The following PCDHA1 variants were observed in gnomAD, a reference collection of about 807,000 sequenced individuals.
The protein encoded by PCDHA1 is protocadherin alpha-1.
A neutral mutation model predicts 61.3 loss-of-function variants in PCDHA1; 42 were observed. That is an observed-to-expected ratio of 0.69 (90% CI 0.54 to 0.89). The LOEUF (loss-of-function observed/expected upper bound fraction) is 0.89. Among genes scored for constraint, PCDHA1 ranks in the 40% least tolerant of loss-of-function variants. The pLI is 0.00. For missense variants in PCDHA1, 1,256 were observed against 1,235.3 expected (o/e 1.02, Z -0.25); for synonymous variants, 610 against 553.8 (o/e 1.10, Z -1.43).
chr5:140,950,919 T>TCCACA (rs1554219687), intron 1 of PCDHA1, among the ~76,000 whole-genome samples: 4 of 152,198 alleles, frequency 2.6e-5, no homozygotes, highest in African/African-American at 9.6e-5. Context: ...TTTATTTCAG[T>TCCACA]TCTTTTTCTT....
intron 1 of PCDHA1, chr5:140,862,573 G>A (rs1252034022): frequency 4.1e-6 from 2 of 484,618 alleles, no homozygotes; most frequent in East Asian, 1.1e-4. Context: ...CAATGCCCTG[G>A]CGTTCCAGCA....
intron 1 of PCDHA1, chr5:140,836,319 C>G (rs577271797): frequency 1.2e-6 from 2 of 1,613,720 alleles, no homozygotes; most frequent in Middle Eastern, 1.6e-4. Context: ...ACCGCGCCAC[C>G]GCCTTCTGGT....
intron 1 of PCDHA1, among the ~76,000 whole-genome samples, chr5:140,944,359 T>C (rs1248806355): frequency 6.6e-6 from 1 of 152,092 alleles, no homozygotes; most frequent in African/African-American, 2.4e-5. Context: ...GGCTAATTTT[T>C]AATTTTTTAT....
At chr5:140,826,372 A>G (rs1554130542) in intron 1 of PCDHA1, among the ~76,000 whole-genome samples, 1 of 152,228 alleles carries the variant, frequency 6.6e-6, no homozygotes, top group Admixed American at 6.5e-5. Flanking sequence ...TGCAATAGAA[A>G]GTCAGTGATA....
At chr5:140,983,771 A>G (rs963720761) in intron 3 of PCDHA1, among the ~76,000 whole-genome samples, 2 of 152,222 alleles carry the variant, frequency 1.3e-5, no homozygotes, top group Admixed American at 6.5e-5. Flanking sequence ...ATACATATCT[A>G]CATACATAAC....
chr5:140,848,340 A>G, intron 1 of PCDHA1: 1 of 894,036 alleles, frequency 1.1e-6, no homozygotes, highest in Admixed American at 2.4e-5. Context: ...ATCCAGACAA[A>G]TACAGCCCTT....
chr5:140,993,783 T>C (rs1402072576), intron 3 of PCDHA1, among the ~76,000 whole-genome samples: 2 of 152,230 alleles, frequency 1.3e-5, no homozygotes, highest in East Asian at 3.9e-4. Flanking sequence ...TTTTGTACAG[T>C]AACATGCTGT....
intron 1 of PCDHA1, chr5:140,850,598 C>T (rs1358773904): frequency 1.9e-6 from 3 of 1,598,576 alleles, no homozygotes; most frequent in Middle Eastern, 1.7e-4. Context: ...TGTACCTGAT[C>T]ATCGCCATCT....
chr5:140,929,436 C>T, intron 1 of PCDHA1: 1 of 1,470,330 alleles, frequency 6.8e-7, no homozygotes, highest in Non-Finnish European at 9.1e-7. Context: ...TTGAACTAAA[C>T]ACTCCTTCTT....
intron 1 of PCDHA1, among the ~76,000 whole-genome samples, chr5:140,902,686 A>G (rs1038713623): frequency 2.0e-5 from 3 of 152,090 alleles, no homozygotes; most frequent in Non-Finnish European, 4.4e-5. Context: ...CGTACCTAAT[A>G]TGTGTAGTCT....
chr5:141,010,265 G>A lies in PCDHA1; in HGVS notation c.*328G>A, dbSNP rs1554262846. ...GTTGGACTCTCTGCCCTGTGCTCCGGGGATCCTGTCTTGATGACACTTGCA... is the reference window on the plus strand; with the variant it reads ...GTTGGACTCTCTGCCCTGTGCTCCGAGGATCCTGTCTTGATGACACTTGCA... On this transcript the variant is annotated 3_prime_UTR_variant, in exon 4 of 4. Coordinates refer to ENST00000504120, the MANE Select transcript of PCDHA1 (RefSeq NM_018900.4). 6.4e-7 allele frequency: 1 copy of A among 1,551,726 alleles called. No homozygotes were observed. The highest frequency in any genetic ancestry group is 8.7e-7 in the Non-Finnish European group (1 of 1,147,006).
intron 1 of PCDHA1, among the ~76,000 whole-genome samples, chr5:140,965,769 A>G (rs571022357): frequency 2.0e-5 from 3 of 152,376 alleles, no homozygotes; most frequent in Admixed American, 2.0e-4. Flanking sequence ...GTCAAATAAT[A>G]GATTTGCCTA....
rs1554143145 is a variant in PCDHA1 at position 140,849,656 on chromosome 5, C to T, written c.2394+60972C>T. The T allele has an allele frequency of 2.4e-5, 38 of 1,598,658 alleles. 2 individuals are homozygous for T. Among genetic ancestry groups the T allele is most frequent in the Non-Finnish European group, 3.2e-5 (37 of 1,168,036 alleles). On this transcript the variant is annotated intron_variant, in intron 1 of 3. Transcript: ENST00000504120. The stretch of plus-strand genomic sequence containing the variant: ...CAGATGCCAACGGGCAGGTTACCTG[C>T]TCCCTGACGCCCCACGTCCCCTTCA...
At position 140,787,872 on chromosome 5, in the gene PCDHA1, C is replaced by G. The variant is rs782526197; in HGVS notation, c.1582C>G (p.Leu528Val). Reference protein sequence around the residue: ...YALQPLDHEELELLQFQVSAR... With the variant: ...YALQPLDHEEVELLQFQVSAR... The stretch of plus-strand genomic sequence containing the variant: ...ACTGCAGCCCCTGGACCACGAGGAG[C>G]TGGAGCTGCTGCAGTTCCAGGTGAG... Residue 528 changes from leucine to valine, a missense_variant, in exon 1 of 4, where the codon CTG becomes GTG. Coordinates refer to ENST00000504120, the MANE Select transcript of PCDHA1 (RefSeq NM_018900.4). 4.3e-6 allele frequency: 7 copies of G among 1,613,098 alleles called. No individual in the cohort carries two copies. In the African/African-American group the frequency reaches 6.7e-5, roughly 15 times the overall value.
intron 1 of PCDHA1, chr5:140,859,371 T>A: frequency 3.8e-6 from 1 of 264,536 alleles, no homozygotes; most frequent in Non-Finnish European, 6.9e-6. Flanking sequence ...TTGTATAGTT[T>A]AATAGCTTCT....
chr5:140,893,882 C>G (rs2064212921), intron 1 of PCDHA1, among the ~76,000 whole-genome samples: 1 of 152,140 alleles, frequency 6.6e-6, no homozygotes, highest in Non-Finnish European at 1.5e-5. Flanking sequence ...CCAAAGTGGC[C>G]AGAAAGTTAC....
At chr5:140,841,918 C>T in intron 1 of PCDHA1, 4 of 1,613,844 alleles carry the variant, frequency 2.5e-6, no homozygotes, top group Non-Finnish European at 3.4e-6. Flanking sequence ...TAAGAAAATC[C>T]TTGGACAGAG....
At chr5:140,907,927 T>C (rs970960629) in intron 1 of PCDHA1, among the ~76,000 whole-genome samples, 14 of 152,220 alleles carry the variant, frequency 9.2e-5, no homozygotes, top group Admixed American at 9.2e-4. Flanking sequence ...GAGAGGTCCA[T>C]TCACATACCT....
chr5:140,807,137 C>T, intron 1 of PCDHA1: 1 of 1,567,282 alleles, frequency 6.4e-7, no homozygotes, highest in Admixed American at 1.8e-5. Context: ...AAAGATTTCC[C>T]TTGACTTTGA....
Sources: allele counts gnomAD v4.1 joint callset (sites outside exome capture counted in the v4.1 genomes callset), GRCh38; gene constraint gnomAD v4.1.1; transcripts MANE v1.5; gene names NCBI Gene and HGNC (gene_info 2026-07-23, HGNC 2026-07-21).